Variants in OTC observed in about 807,000 individuals in gnomAD.
OTC encodes the protein ornithine transcarbamylase, also known as ornithine transcarbamylase, mitochondrial.
In OTC, 3 loss-of-function variants were observed where a neutral mutation model predicts 30.3. The observed-to-expected ratio is 0.10, with a 90% confidence interval of 0.05 to 0.26. OTC has a LOEUF of 0.26. Ranked by LOEUF, OTC falls within the 10% of genes least tolerant of loss-of-function variation. The pLI, the probability that OTC is intolerant of heterozygous loss-of-function variation, is 1.00. For missense variants in OTC, 194 were observed against 260.3 expected (o/e 0.75, Z 1.75); for synonymous variants, 111 against 99.7 (o/e 1.11, Z -0.67).
intron 3 of OTC, among the ~76,000 whole-genome samples, chrX:38,378,207 C>T (rs1039291925): frequency 2.1e-5 from 2 of 97,319 alleles, no homozygotes; most frequent in Admixed American, 1.2e-4. Context: ...CCCACTATCT[C>T]GTATGTTTTC....
At chrX:38,376,374 G>C (rs566692842) in intron 3 of OTC, among the ~76,000 whole-genome samples, 2 of 112,302 alleles carry the variant, frequency 1.8e-5, no homozygotes, top group Middle Eastern at 4.6e-3. Flanking sequence ...GGGAGGAATT[G>C]CTAGAGCAAT....
chrX:38,376,295 A>G (rs748937691), intron 3 of OTC, among the ~76,000 whole-genome samples: 1 of 112,157 alleles, frequency 8.9e-6, no homozygotes, highest in African/African-American at 3.2e-5. Flanking sequence ...AGAAATCTGT[A>G]TCTGTTTTTA....
rs868169077 is a variant in OTC at position 38,386,390 on chromosome X, T to A, written c.386+4961T>A. Among the ~76,000 whole-genome samples the A allele has an allele frequency of 3.8e-3, 390 of 102,777 alleles. 1 individual carries two copies. The highest frequency in any genetic ancestry group is 6.6e-3 in the Non-Finnish European group (330 of 50,307). The allele number at this position is 102,777 out of a possible 115,157, so 89.2% of individuals were successfully genotyped here. A position where few individuals can be genotyped will look rare whatever the true frequency, so the allele number is the denominator to read the frequency against. ...TCCATCTCAAAAAAAAAAAAAAATA[T>A]ATATATATATATGTAACTTATTCAT... is the stretch of plus-strand genomic sequence containing the variant. On this transcript the variant is annotated intron_variant, in intron 4 of 9. Coordinates refer to ENST00000039007, the MANE Select transcript of OTC (RefSeq NM_000531.6).
In OTC at chrX:38,421,108, G is replaced by A. The variant is rs2068593119; in HGVS notation, c.*26G>A. ...TGTTGTGTTACTTGTCAAGAAAGAA[G>A]CAATGTTCTTCAGTAACAGAATGAG... On this transcript the variant is annotated 3_prime_UTR_variant, in exon 10 of 10. Transcript: ENST00000039007. 2 of 1,075,422 alleles carry A rather than the reference G, an allele frequency of 1.9e-6. No homozygotes were observed. The highest frequency in any genetic ancestry group is 1.8e-5 in the African/African-American group (1 of 54,463). 88.6% of individuals were successfully genotyped at this position (1,075,422 alleles called of 1,213,427 possible).
chrX:38,349,457 G>T (rs1479016247), upstream of OTC, among the ~76,000 whole-genome samples: 1 of 112,552 alleles, frequency 8.9e-6, no homozygotes, highest in African/African-American at 3.2e-5. Flanking sequence ...GATTAATGTG[G>T]TTATCACAGG....
At chrX:38,359,862 C>A (rs1162896998) in intron 1 of OTC, among the ~76,000 whole-genome samples, 6 of 109,847 alleles carry the variant, frequency 5.5e-5, no homozygotes, top group African/African-American at 2.0e-4. Context: ...TCCATCATGA[C>A]AAATCTTTCA....
At chrX:38,340,539 G>A in the OTC span, among the ~76,000 whole-genome samples, 1 of 90,860 alleles carries the variant, frequency 1.1e-5, no homozygotes, top group Non-Finnish European at 2.1e-5. Context: ...TTATAAACCA[G>A]GATATTCTTT....
chrX:38,415,950 T>C (rs888034069), intron 9 of OTC, among the ~76,000 whole-genome samples: 4 of 112,565 alleles, frequency 3.6e-5, no homozygotes, highest in African/African-American at 1.3e-4. Context: ...CACATGTGGC[T>C]GGTGGCTACA....
chrX:38,394,319 A>G (rs1294895410), intron 4 of OTC, among the ~76,000 whole-genome samples: 1 of 112,526 alleles, frequency 8.9e-6, no homozygotes, highest in Non-Finnish European at 1.9e-5. Context: ...AAATAATTGC[A>G]TAGTTTGGAG....
the OTC span, among the ~76,000 whole-genome samples, chrX:38,337,632 G>A: frequency 6.3e-5 from 7 of 111,890 alleles, no homozygotes; most frequent in East Asian, 1.4e-3. Flanking sequence ...GCTTGGATTC[G>A]GTATAGATGC....
chrX:38,334,868 G>A, the OTC span, among the ~76,000 whole-genome samples: 215 of 111,357 alleles, frequency 1.9e-3, no homozygotes, highest in African/African-American at 6.9e-3. Context: ...GAGCATTACC[G>A]CCTGAGCTTC....
At chrX:38,405,044 G>T (rs1471059724) in intron 6 of OTC, among the ~76,000 whole-genome samples, 1 of 111,336 alleles carries the variant, frequency 9.0e-6, no homozygotes, top group East Asian at 2.8e-4. Flanking sequence ...AAGCAGCCTG[G>T]TAGCCAGAGA....
At chrX:38,371,101 GA>G in intron 3 of OTC, among the ~76,000 whole-genome samples, 1 of 111,723 alleles carries the variant, frequency 9.0e-6, no homozygotes, top group African/African-American at 3.3e-5. Flanking sequence ...ACACATAGCA[GA>G]GTACAGTATC....
intron 4 of OTC, among the ~76,000 whole-genome samples, chrX:38,394,792 G>T (rs1015916899): frequency 9.0e-6 from 1 of 110,871 alleles, no homozygotes; most frequent in Non-Finnish European, 1.9e-5. Flanking sequence ...TTAAAAGACC[G>T]TGTTAATAAG....
At chrX:38,369,339 AC>A (rs757426032) in intron 2 of OTC, among the ~76,000 whole-genome samples, 5 of 103,721 alleles carry the variant, frequency 4.8e-5, no homozygotes, top group African/African-American at 1.5e-4. Context: ...ACATAAAAAA[AC>A]ATTTTAAATT....
At chrX:38,398,749 C>T (rs1290549486) in intron 4 of OTC, among the ~76,000 whole-genome samples, 1 of 111,572 alleles carries the variant, frequency 9.0e-6, no homozygotes, top group Non-Finnish European at 1.9e-5. Flanking sequence ...ATGACAGAAG[C>T]TTGCATTCTT....
intron 4 of OTC, among the ~76,000 whole-genome samples, chrX:38,393,557 C>T (rs2068439437): frequency 9.0e-6 from 1 of 111,632 alleles, no homozygotes; most frequent in South Asian, 3.8e-4. Context: ...AACATATCAC[C>T]TCGGGAAGTC....
intron 8 of OTC, among the ~76,000 whole-genome samples, chrX:38,409,529 A>G (rs1270666832): frequency 1.8e-5 from 2 of 112,381 alleles, no homozygotes; most frequent in Non-Finnish European, 3.8e-5. Flanking sequence ...AGTCTTGAGC[A>G]GGTATTAGCA....
chrX:38,337,210 T>C, the OTC span, among the ~76,000 whole-genome samples: 3 of 112,480 alleles, frequency 2.7e-5, no homozygotes, highest in Non-Finnish European at 5.6e-5. Flanking sequence ...CTAACCTTCA[T>C]TGAAGATGCA....
Sources: gnomAD v4.1 joint callset for allele counts (sites outside exome capture counted in the v4.1 genomes callset) on GRCh38, gnomAD v4.1.1 for gene constraint, MANE v1.5 for transcripts, NCBI Gene and HGNC (gene_info 2026-07-23, HGNC 2026-07-21) for gene names.